The following SYT1 variants were observed in gnomAD, a reference collection of about 807,000 sequenced individuals.
SYT1 encodes synaptotagmin 1.
In SYT1, 8 loss-of-function variants were observed where a neutral mutation model predicts 44.8. The ratio of observed to expected loss-of-function variants is 0.18; its 90% confidence interval spans 0.10 to 0.32. The LOEUF is 0.32. Among genes scored for constraint, SYT1 ranks in the 10% least tolerant of loss-of-function variants. SYT1 has a pLI of 1.00. For missense variants in SYT1, 286 were observed against 509.3 expected (o/e 0.56, Z 4.22); for synonymous variants, 154 against 188.8 (o/e 0.82, Z 1.51).
intron 8 of SYT1, among the ~76,000 whole-genome samples, chr12:79,336,707 C>A (rs1413058827): frequency 1.3e-5 from 2 of 152,148 alleles, no homozygotes; most frequent in Non-Finnish European, 1.5e-5. Flanking sequence ...TTCACTGCAG[C>A]CTCCTTATAA....
intron 4 of SYT1, among the ~76,000 whole-genome samples, chr12:79,241,687 T>C (rs1023337087): frequency 1.3e-5 from 2 of 152,182 alleles, no homozygotes; most frequent in African/African-American, 2.4e-5. Flanking sequence ...ATTAAGAAAT[T>C]AGAAATGTAT....
chr12:79,036,745 A>G (rs947100989), intron 2 of SYT1, among the ~76,000 whole-genome samples: 3 of 151,752 alleles, frequency 2.0e-5, no homozygotes, highest in Admixed American at 2.0e-4. Flanking sequence ...CAGTGCATTG[A>G]TCCTTTATTC....
intron 2 of SYT1, among the ~76,000 whole-genome samples, chr12:79,014,250 T>C (rs1300449445): frequency 6.6e-6 from 1 of 152,118 alleles, no homozygotes. Context: ...GTCTCATAGT[T>C]AGTACAATTT....
In SYT1 at chr12:79,178,967, G is replaced by C. The variant is rs56087909; in HGVS notation, c.-17-38536G>C. Among the ~76,000 whole-genome samples the C allele has an allele frequency of 5.1e-5, 3 of 58,636 alleles. 1 individual carries two copies. Among genetic ancestry groups the C allele is most frequent in the Admixed American group, 2.0e-4 (1 of 5,054 alleles). 38.5% of individuals were successfully genotyped at this position (58,636 alleles called of 152,430 possible). ...AGATATAGATATAGATATAGATATA[G>C]ATATATAGATATAGATATATCTATA... On this transcript the variant is annotated intron_variant, in intron 3 of 10. Coordinates refer to ENST00000261205, the MANE Select transcript of SYT1 (RefSeq NM_005639.3).
chr12:79,230,740 G>GT (rs1875821230), intron 4 of SYT1, among the ~76,000 whole-genome samples: 1 of 152,018 alleles, frequency 6.6e-6, no homozygotes, highest in Admixed American at 6.6e-5. Flanking sequence ...GTAATACAGA[G>GT]TAACAGTAAG....
intron 1 of SYT1, among the ~76,000 whole-genome samples, chr12:78,899,691 T>G (rs144519629): frequency 6.6e-6 from 1 of 152,154 alleles, no homozygotes; most frequent in East Asian, 1.9e-4. Flanking sequence ...AGTGCTTTGT[T>G]TAATACGCAA....
At chr12:79,013,022 G>C (rs1028888517) in intron 2 of SYT1, among the ~76,000 whole-genome samples, 2 of 151,930 alleles carry the variant, frequency 1.3e-5, no homozygotes, top group African/African-American at 2.4e-5. Flanking sequence ...ACCTCTGCTT[G>C]CTTCCACACC....
At chr12:79,392,431 G>A (rs1373573962) in intron 9 of SYT1, 2 of 152,112 alleles carry the variant, frequency 1.3e-5, no homozygotes, top group Non-Finnish European at 2.9e-5. Flanking sequence ...AATACAGATT[G>A]TAGATGCACA....
At chr12:78,990,127 T>G (rs1869919769) in intron 2 of SYT1, among the ~76,000 whole-genome samples, 1 of 152,176 alleles carries the variant, frequency 6.6e-6, no homozygotes, top group African/African-American at 2.4e-5. Flanking sequence ...GTGGGTGGTA[T>G]TTGAACATGA....
chr12:79,085,597 C>A (rs1468728695), intron 3 of SYT1, among the ~76,000 whole-genome samples: 2 of 152,046 alleles, frequency 1.3e-5, no homozygotes, highest in Admixed American at 6.6e-5. Context: ...AAAGATGTAA[C>A]CAAAGTCTAG....
intron 3 of SYT1, among the ~76,000 whole-genome samples, chr12:79,086,244 G>A (rs1381640491): frequency 6.6e-6 from 1 of 151,996 alleles, no homozygotes; most frequent in Non-Finnish European, 1.5e-5. Flanking sequence ...ACACTTGTCT[G>A]GCACAAGGGA....
chr12:79,313,986 G>A (rs913191955), intron 8 of SYT1, among the ~76,000 whole-genome samples: 84 of 149,034 alleles, frequency 5.6e-4, no homozygotes, highest in African/African-American at 2.1e-3. Context: ...TGGTTAACAC[G>A]GTGAAACCCC....
intron 3 of SYT1, among the ~76,000 whole-genome samples, chr12:79,208,091 A>C (rs572209958): frequency 2.6e-5 from 4 of 152,220 alleles, no homozygotes; most frequent in Non-Finnish European, 4.4e-5. Context: ...TTTTGGGCCC[A>C]AATTTCCTAA....
intron 3 of SYT1, among the ~76,000 whole-genome samples, chr12:79,084,597 C>T (rs149709478): frequency 6.6e-4 from 100 of 152,202 alleles, no homozygotes; most frequent in African/African-American, 2.3e-3. Context: ...AGCTTAAAAA[C>T]ATTTGAGAAC....
intron 1 of SYT1, among the ~76,000 whole-genome samples, chr12:78,918,759 C>T (rs914003247): frequency 3.3e-5 from 5 of 151,852 alleles, no homozygotes; most frequent in Non-Finnish European, 7.4e-5. Flanking sequence ...AAGGATACGT[C>T]CTGAATGGCA....
chr12:78,888,017 G>T (rs149570128), intron 1 of SYT1, among the ~76,000 whole-genome samples: 1 of 151,796 alleles, frequency 6.6e-6, no homozygotes, highest in Non-Finnish European at 1.5e-5. Flanking sequence ...TAAAGTAAGA[G>T]ATTTTCAAGT....
intron 3 of SYT1, among the ~76,000 whole-genome samples, chr12:79,131,491 G>T (rs945185798): frequency 6.6e-6 from 1 of 151,574 alleles, no homozygotes; most frequent in African/African-American, 2.4e-5. Flanking sequence ...TGTACTTTAG[G>T]GACTTCCACA....
chr12:79,386,718 C>A (rs182525896), intron 9 of SYT1, among the ~76,000 whole-genome samples: 4 of 152,182 alleles, frequency 2.6e-5, no homozygotes, highest in African/African-American at 7.2e-5. Context: ...AACATCATAA[C>A]GCTTTTCAAA....
chr12:79,285,477 C>T (rs1879264357), intron 4 of SYT1, among the ~76,000 whole-genome samples: 1 of 152,146 alleles, frequency 6.6e-6, no homozygotes, highest in African/African-American at 2.4e-5. Context: ...AACTCAATGG[C>T]TGAACTCCAA....
Sources: gnomAD v4.1 joint callset for allele counts (sites outside exome capture counted in the v4.1 genomes callset) on GRCh38, gnomAD v4.1.1 for gene constraint, MANE v1.5 for transcripts, NCBI Gene and HGNC (gene_info 2026-07-23, HGNC 2026-07-21) for gene names.